MYOM1: variants seen among roughly 807,000 people sequenced by gnomAD.
MYOM1 encodes myomesin-1.
Under a neutral mutation model 205.3 loss-of-function variants are expected in MYOM1, and 164 were observed. That is an observed-to-expected ratio of 0.80 (90% CI 0.70 to 0.91). MYOM1 has a LOEUF of 0.91. Among genes scored for constraint, MYOM1 ranks in the 40% least tolerant of loss-of-function variants. The probability of loss-of-function intolerance (pLI) is 0.00; values close to 1 mark genes in which losing one functional copy is unlikely to be tolerated. For missense variants in MYOM1, 2,011 were observed against 2,127.3 expected, an observed-to-expected ratio of 0.95 and a Z score of 1.08; for synonymous variants, 772 against 789.4, an observed-to-expected ratio of 0.98 and a Z score of 0.37.
chr18:3,202,237 AG>A (rs1185103820), intron 2 of MYOM1, among the ~76,000 whole-genome samples: 1 of 152,234 alleles, frequency 6.6e-6, no homozygotes, highest in Non-Finnish European at 1.5e-5. Context: ...TACACTAAAA[AG>A]GTCCATTTAA....
rs543216956 is a variant in MYOM1, at chr18:3,166,885, T to G, written c.1339+1932A>C. ...GGAATTTTAAAGTTTTTAAGAGCTT[T>G]AAAACATAATCGTCTCTATAAATAA... On this transcript the variant is annotated intron_variant, in intron 9 of 37. Transcript: ENST00000356443. Among the ~76,000 whole-genome samples the G allele has an allele frequency of 5.3e-5, 8 of 152,272 alleles. No individual in the cohort carries two copies. In the South Asian group the frequency reaches 6.2e-4, roughly 12 times the overall value.
chr18:3,206,826 A>G (rs2081128943), intron 2 of MYOM1, among the ~76,000 whole-genome samples: 1 of 152,196 alleles, frequency 6.6e-6, no homozygotes, highest in Non-Finnish European at 1.5e-5. Flanking sequence ...TGGTACAAAC[A>G]TGAATTTAGT....
chr18:3,118,904 G>A (rs1401004109), intron 20 of MYOM1, among the ~76,000 whole-genome samples: 1 of 152,074 alleles, frequency 6.6e-6, no homozygotes, highest in Non-Finnish European at 1.5e-5. Context: ...ATTCACACCT[G>A]ACAGAGAAGT....
At chr18:3,215,873 C>T (rs1268617891) in intron 1 of MYOM1, among the ~76,000 whole-genome samples, 1 of 152,096 alleles carries the variant, frequency 6.6e-6, no homozygotes, top group Non-Finnish European at 1.5e-5. Flanking sequence ...TCATTTGGGA[C>T]TTCATTTGGG....
chr18:3,237,278 C>T, the MYOM1 span, among the ~76,000 whole-genome samples: 1 of 152,136 alleles, frequency 6.6e-6, no homozygotes, highest in African/African-American at 2.4e-5. Flanking sequence ...GTGGTGTATA[C>T]ATATCGTGGA....
At chr18:3,216,894 A>T (rs1326949454) in intron 1 of MYOM1, 1 of 152,216 alleles carries the variant, frequency 6.6e-6, no homozygotes, top group African/African-American at 2.4e-5. Flanking sequence ...GTACCTCAAC[A>T]TGTGACCATA....
rs2080956952 is a variant in MYOM1 at position 3,193,958 on chromosome 18, T to A, written c.291A>T (p.Gly97=). The change falls in exon 3 of 38, where the codon GGA becomes GGT. Residue 97 remains glycine, a splice_region_variant and synonymous_variant. Transcript: ENST00000356443. Reference sequence around the variant, plus strand: ...CTAACAGCAGACTGGAATCTGTAAGTCTGAAATAAACCACCTAACATCAGA... The same window carrying A: ...CTAACAGCAGACTGGAATCTGTAAGACTGAAATAAACCACCTAACATCAGA... The part of the protein sequence containing the change: ...ASAYDYGSSH[G]LTDSSLLLDD... 6.2e-7 allele frequency: 1 copy of A among 1,613,222 alleles called. No homozygotes were observed. The highest frequency in any genetic ancestry group is 8.5e-7 in the Non-Finnish European group (1 of 1,179,540).
chr18:3,231,467 G>C, the MYOM1 span, among the ~76,000 whole-genome samples: 146 of 150,932 alleles, frequency 9.7e-4, 4 homozygotes, highest in South Asian at 0.029. Context: ...AACCTGAAGA[G>C]CCAAGCCTTC....
intron 2 of MYOM1, among the ~76,000 whole-genome samples, chr18:3,206,034 A>C (rs889212482): frequency 1.3e-5 from 2 of 152,190 alleles, no homozygotes; most frequent in Non-Finnish European, 2.9e-5. Flanking sequence ...ACAAAGAAGG[A>C]AGGCCAGTAA....
intron 2 of MYOM1, among the ~76,000 whole-genome samples, chr18:3,208,606 T>G (rs1307568997): frequency 6.6e-6 from 1 of 152,212 alleles, no homozygotes; most frequent in East Asian, 1.9e-4. Flanking sequence ...CCCTCTGAAC[T>G]TCTACCGTTC....
At chr18:3,186,128 A>G (rs112605727) in intron 5 of MYOM1, among the ~76,000 whole-genome samples, 5,466 of 152,162 alleles carry the variant, frequency 0.036, 327 homozygotes, top group African/African-American at 0.13. Flanking sequence ...CCCAGGAGGC[A>G]GAGGTTGCAG....
intron 36 of MYOM1, among the ~76,000 whole-genome samples, chr18:3,073,345 G>A (rs1370984718): frequency 6.6e-6 from 1 of 152,168 alleles, no homozygotes; most frequent in East Asian, 1.9e-4. Flanking sequence ...ATTCAAAGGT[G>A]TTCTCTCTGG....
intron 22 of MYOM1, among the ~76,000 whole-genome samples, chr18:3,103,982 T>C (rs2079417428): frequency 1.3e-5 from 2 of 152,250 alleles, no homozygotes; most frequent in Admixed American, 1.3e-4. Flanking sequence ...AACAAAGGGC[T>C]ACTTTCATAT....
intron 13 of MYOM1, among the ~76,000 whole-genome samples, chr18:3,142,873 A>T (rs1045902233): frequency 1.3e-5 from 2 of 152,208 alleles, no homozygotes; most frequent in African/African-American, 4.8e-5. Context: ...GTTTTAGTTT[A>T]CAGTTACAGT....
intron 23 of MYOM1, among the ~76,000 whole-genome samples, chr18:3,101,989 ATTTTTTTTTTT>A (rs35882298): frequency 2.7e-4 from 15 of 55,848 alleles, no homozygotes; most frequent in African/African-American, 1.1e-3. Context: ...TCAGTCTGGG[ATTTTTTTTTTT>A]TTTTTTTTTT....
chr18:3,094,329 C>T, intron 25 of MYOM1, 23 bp from the exon 26 acceptor site: 1 of 1,564,920 alleles, frequency 6.4e-7, no homozygotes, highest in Non-Finnish European at 8.7e-7. Flanking sequence ...AAAATAAACA[C>T]AGTAATTATA....
chr18:3,068,184 C>T (rs1034879186), intron 37 of MYOM1, among the ~76,000 whole-genome samples: 2 of 152,118 alleles, frequency 1.3e-5, no homozygotes, highest in African/African-American at 4.8e-5. Flanking sequence ...TGTATGTAGA[C>T]ACAAGGTCTA....
intron 10 of MYOM1, among the ~76,000 whole-genome samples, chr18:3,163,064 A>G (rs12606102): frequency 0.43 from 65,466 of 151,722 alleles, 14,215 homozygotes; most frequent in African/African-American, 0.5. Flanking sequence ...CACACCACTG[A>G]AAAAAAGAAA....
rs201817118 is a variant in MYOM1, at chr18:3,135,583, C to G, written c.2173G>C (p.Glu725Gln). The G allele has an allele frequency of 6.8e-6, 11 of 1,613,834 alleles. No homozygotes were observed. In the African/African-American group the frequency reaches 1.5e-4, roughly 22 times the overall value. The change falls in exon 15 of 38, where the codon GAG becomes CAG. Residue 725 changes from glutamate to glutamine, a missense_variant. Coordinates refer to ENST00000356443, the MANE Select transcript of MYOM1 (RefSeq NM_003803.4). The surrounding 1 kb of genome is among the most constrained non-coding windows in gnomAD (Gnocchi z 4.1). Reference protein sequence around the residue: ...SNSAGVGEPSEATEVTVVGDK... With the variant: ...SNSAGVGEPSQATEVTVVGDK... ...CCTACCACAGTCACCTCCGTTGCCT[C>G]TGAGGGCTCACCAACTCCTGCAGAA...
Sources: allele counts gnomAD v4.1 joint callset (sites outside exome capture counted in the v4.1 genomes callset), GRCh38; gene constraint gnomAD v4.1.1; non-coding constraint Gnocchi (gnomAD v3.1); transcripts MANE v1.5; gene names NCBI Gene and HGNC (gene_info 2026-07-23, HGNC 2026-07-21).